Variants in OR6B3 observed in about 807,000 individuals in gnomAD.
The protein encoded by OR6B3 is olfactory receptor 6B3.
For synonymous variants in OR6B3, 148 were observed against 187.8 expected, an observed-to-expected ratio of 0.79 and a Z score of 1.73; for missense variants, 315 against 427.4, an observed-to-expected ratio of 0.74 and a Z score of 2.32.
chr2:240,051,648 A>G (rs544916259), upstream of OR6B3, among the ~76,000 whole-genome samples: 12 of 152,356 alleles, frequency 7.9e-5, no homozygotes, highest in South Asian at 1.7e-3. Flanking sequence ...AAAAACTCAA[A>G]TAAAATGTCA....
chr2:240,052,664 G>T, the OR6B3 span, among the ~76,000 whole-genome samples: 1 of 152,178 alleles, frequency 6.6e-6, no homozygotes, highest in Non-Finnish European at 1.5e-5. This position sits in a 1 kb window ranked among gnomAD's most constrained non-coding sequence, Gnocchi z 4.5. Context: ...GATGCCTGCC[G>T]GTCCTCCAGC....
upstream of OR6B3, among the ~76,000 whole-genome samples, chr2:240,049,408 G>T (rs1471272063): frequency 1.3e-5 from 2 of 152,238 alleles, no homozygotes; most frequent in South Asian, 2.1e-4. Flanking sequence ...CGAATGTTGT[G>T]TCCAGACCTG....
upstream of OR6B3, among the ~76,000 whole-genome samples, chr2:240,049,125 A>G (rs1698226994): frequency 6.6e-6 from 1 of 152,162 alleles, no homozygotes; most frequent in Non-Finnish European, 1.5e-5. Context: ...CAAATCAGCA[A>G]AATTTAAGAA....
chr2:240,053,066 G>A, the OR6B3 span, among the ~76,000 whole-genome samples: 1 of 152,198 alleles, frequency 6.6e-6, no homozygotes, highest in Non-Finnish European at 1.5e-5. This position sits in a 1 kb window ranked among gnomAD's most constrained non-coding sequence, Gnocchi z 4.1. Context: ...GCCTGCCAAA[G>A]TGCTGGAATT....
chr2:240,048,284 C>T (rs11904164), upstream of OR6B3, among the ~76,000 whole-genome samples: 23,908 of 152,040 alleles, frequency 0.16, 2,025 homozygotes, highest in Non-Finnish European at 0.19. Flanking sequence ...AAGTGGAGTC[C>T]CTGGCCCTTT....
Sources: gnomAD v4.1 joint callset for allele counts (sites outside exome capture counted in the v4.1 genomes callset) on GRCh38, gnomAD v4.1.1 for gene constraint, Gnocchi (gnomAD v3.1) non-coding constraint, MANE v1.5 for transcripts, NCBI Gene and HGNC (gene_info 2026-07-23, HGNC 2026-07-21) for gene names.